The following MTX1 variants were observed in gnomAD, a reference collection of about 807,000 sequenced individuals.
MTX1 encodes the protein metaxin-1.
MTX1 carries 20 observed loss-of-function variants against 39.4 expected under a neutral mutation model. The observed-to-expected ratio is 0.51, with a 90% CI of 0.36 to 0.74. The LOEUF is 0.74. Ranked by LOEUF, MTX1 falls within the 30% of genes least tolerant of loss-of-function variation. The probability of loss-of-function intolerance (pLI) is 0.00; values close to 1 mark genes in which losing one functional copy is unlikely to be tolerated. For missense variants in MTX1, 481 were observed against 485.9 expected, an observed-to-expected ratio of 0.99 and a Z score of 0.10; for synonymous variants, 209 against 198.6, an observed-to-expected ratio of 1.05 and a Z score of -0.44.
rs1557891562 is a variant in MTX1 at position 155,213,316 on chromosome 1, G to A, written c.1111G>A (p.Val371Ile). 1 of 489,384 alleles carries A rather than the reference G, an allele frequency of 2.0e-6. No homozygotes were observed. Among genetic ancestry groups the A allele is most frequent in the Non-Finnish European group, 3.5e-6 (1 of 286,252 alleles). The allele number at this position is 489,384 out of a possible 1,614,324, so 30.3% of individuals were successfully genotyped here. Residue 371 changes from valine (V) to isoleucine (I), a missense_variant, in exon 7 of 8, where the codon GTC (valine) becomes ATC (isoleucine). Coordinates refer to ENST00000368376, the MANE Select transcript of MTX1 (RefSeq NM_002455.5). ...AAAGCTGCCCAGTGGGAAGCTGCAG[G>A]TCCACCTGCGTGGGCTGCACAACCT... ...QAKLPSGKLQ[V>I]HLRGLHNLCA...
chr1:155,208,790 C>T lies in MTX1; in HGVS notation c.-15C>T. On this transcript the variant is annotated 5_prime_UTR_variant, in exon 1 of 8. It adds an upstream start codon to the 5' untranslated region. Transcript: ENST00000368376. ...GGCGCAGGGCCCGCTCCAAACATAA[C>T]GCGCTGTGGAAAACATGCTGCTCGG... is the stretch of plus-strand genomic sequence containing the variant. 1 of 1,463,044 alleles carries T rather than the reference C, an allele frequency of 6.8e-7. No individual in the cohort carries two copies. The highest frequency in any genetic ancestry group is 9.1e-7 in the Non-Finnish European group (1 of 1,097,806). 90.6% of individuals were successfully genotyped at this position (1,463,044 alleles called of 1,614,324 possible). A position where few individuals can be genotyped will look rare whatever the true frequency, so the allele number is the denominator to read the frequency against.
At chr1:155,210,683 C>T (rs1223902408) in intron 3 of MTX1, 56 bp downstream of exon 3, 5 of 1,484,238 alleles carry the variant, frequency 3.4e-6, no homozygotes, top group Non-Finnish European at 4.7e-6. Context: ...CAATTCTATA[C>T]AATACACATT....
intron 1 of MTX1, among the ~76,000 whole-genome samples, 174 bp from the exon 2 acceptor site, chr1:155,210,172 C>G (rs1671059479): frequency 6.6e-6 from 1 of 152,188 alleles, no homozygotes. Flanking sequence ...TCTCTGAGCC[C>G]TGTGTTGTCC....
Position 155,208,722 on chromosome 1 carries a change from CGG to C in MTX1, c.-82_-81del. The C allele has an allele frequency of 8.0e-6, 11 of 1,381,064 alleles. No homozygotes were observed. Among genetic ancestry groups the C allele is most frequent in the African/African-American group, 1.5e-5 (1 of 66,714 alleles). 85.6% of individuals were successfully genotyped at this position (1,381,064 alleles called of 1,614,324 possible). A position where few individuals can be genotyped will look rare whatever the true frequency, so the allele number is the denominator to read the frequency against. ...CCAAGCCCCAGCCCGGCCTCCGCTC[CGG>C]CCGCCGCCACCGCCCCTGTTTTGTT... On this transcript the variant is annotated 5_prime_UTR_variant, in exon 1 of 8. Transcript: ENST00000368376.
At position 155,212,781 on chromosome 1, in the gene MTX1, C is replaced by T; in HGVS notation, c.1031+11C>T. ...CTTCTTTGGAGATGCGTGAGTCTGA[C>T]TCCAAGAGGGTAATGGGTGGCTTGG... is the stretch of plus-strand genomic sequence containing the variant. On this transcript the variant is annotated intron_variant, in intron 6 of 7. Coordinates refer to ENST00000368376, the MANE Select transcript of MTX1 (RefSeq NM_002455.5). 1.9e-6 allele frequency: 3 copies of T among 1,574,964 alleles called. No individual in the cohort carries two copies. Among genetic ancestry groups the T allele is most frequent in the Non-Finnish European group, 2.6e-6 (3 of 1,159,874 alleles).
At position 155,208,710 on chromosome 1, in the gene MTX1, C is replaced by A; in HGVS notation, c.-95C>A. Reference sequence around the variant, plus strand: ...CCCCTCCCCCACCCAAGCCCCAGCCCGGCCTCCGCTCCGGCCGCCGCCACC... The same window carrying A: ...CCCCTCCCCCACCCAAGCCCCAGCCAGGCCTCCGCTCCGGCCGCCGCCACC... On this transcript the variant is annotated 5_prime_UTR_variant, in exon 1 of 8. Coordinates refer to ENST00000368376, the MANE Select transcript of MTX1 (RefSeq NM_002455.5). 1 of 1,300,874 alleles carries A rather than the reference C, an allele frequency of 7.7e-7. No homozygotes were observed. The highest frequency in any genetic ancestry group is 1.0e-6 in the Non-Finnish European group (1 of 983,190). The allele number at this position is 1,300,874 out of a possible 1,614,324, so 80.6% of individuals were successfully genotyped here.
chr1:155,212,479 C>G lies in MTX1; in HGVS notation c.866C>G (p.Pro289Arg), dbSNP rs778145000. 1 of 1,613,906 alleles carries G rather than the reference C, an allele frequency of 6.2e-7. No homozygotes were observed. Among genetic ancestry groups the G allele is most frequent in the African/African-American group, 1.3e-5 (1 of 74,908 alleles). Residue 289 changes from proline (P) to arginine (R), a missense_variant, in exon 5 of 8, where the codon CCT (proline) becomes CGT (arginine). By Grantham distance (103) the Pro-to-Arg change is moderately radical. Coordinates refer to ENST00000368376, the MANE Select transcript of MTX1 (RefSeq NM_002455.5). ...CCCTTTCCCCTCAACTTCTTCCTGC[C>G]TGGCCGCATGCAGCGGCAGTACATG... ...AMPFPLNFFL[P>R]GRMQRQYMER... is the part of the protein sequence containing the mutation.
intron 3 of MTX1, 110 bp downstream of exon 3, chr1:155,210,737 G>C (rs754429734): frequency 2.7e-5 from 25 of 931,948 alleles, no homozygotes; most frequent in Admixed American, 3.7e-5. Flanking sequence ...AGGTGACCCA[G>C]AGCATCAAGG....
intron 1 of MTX1, among the ~76,000 whole-genome samples, chr1:155,209,534 C>T (rs1571945099): frequency 6.6e-6 from 1 of 152,222 alleles, no homozygotes; most frequent in Admixed American, 6.5e-5. Context: ...TGAAAAGACG[C>T]CTGGTTGGGA....
At position 155,212,746 on chromosome 1, in the gene MTX1, C is replaced by T. The variant is rs1335193271; in HGVS notation, c.1007C>T (p.Ser336Phe). The change falls in exon 6 of 8, where the codon TCT (serine) becomes TTT (phenylalanine). Residue 336 changes from serine (S) to phenylalanine (F), a missense_variant. Coordinates refer to ENST00000368376, the MANE Select transcript of MTX1 (RefSeq NM_002455.5). Reference protein sequence around the residue: ...CLTLLSQRLGSQKFFFGDAPA... With the variant: ...CLTLLSQRLGFQKFFFGDAPA... ...ACCCTGCTCTCTCAGCGCCTGGGCT[C>T]TCAAAAGTTCTTCTTTGGAGATGCG... 3.1e-6 allele frequency: 5 copies of T among 1,596,792 alleles called. No homozygotes were observed. Among genetic ancestry groups the T allele is most frequent in the Non-Finnish European group, 4.3e-6 (5 of 1,171,726 alleles).
At position 155,213,738 on chromosome 1, in the gene MTX1, T is replaced by G. The variant is rs1281963039; in HGVS notation, c.*40T>G. 28 of 24,418 alleles carry G rather than the reference T, an allele frequency of 1.1e-3. No homozygotes were observed. Among genetic ancestry groups the G allele is most frequent in the Non-Finnish European group, 2.0e-3 (25 of 12,364 alleles). The allele number at this position is 24,418 out of a possible 1,614,324, so 1.5% of individuals were successfully genotyped here. Reference sequence around the variant, plus strand: ...CCCAAGACTGGTTTTTCTACTCTCATGCATTCCAGAGGCCCCCGTGCCTCC... The same window carrying G: ...CCCAAGACTGGTTTTTCTACTCTCAGGCATTCCAGAGGCCCCCGTGCCTCC... On this transcript the variant is annotated 3_prime_UTR_variant, in exon 8 of 8. Transcript: ENST00000368376.
At chr1:155,210,722 G>C in intron 3 of MTX1, 95 bp downstream of exon 3, 1 of 1,154,190 alleles carries the variant, frequency 8.7e-7, no homozygotes, top group Non-Finnish European at 1.3e-6. Context: ...TGCCATGCTA[G>C]ATGCAGGTGA....
At chr1:155,210,745 A>G in intron 3 of MTX1, 118 bp downstream of exon 3, 1 of 901,978 alleles carries the variant, frequency 1.1e-6, no homozygotes, top group East Asian at 2.4e-5. Flanking sequence ...CAGAGCATCA[A>G]GGAGCAACAG....
Position 155,210,347 on chromosome 1 carries a change from C to T in MTX1, c.530C>T (p.Thr177Ile), listed in dbSNP as rs138202522. The T allele has an allele frequency of 8.9e-5, 144 of 1,614,018 alleles. 1 individual carries two copies. Among genetic ancestry groups the T allele is most frequent in the Non-Finnish European group, 1.2e-4 (136 of 1,179,986 alleles). Residue 177 changes from threonine to isoleucine, a missense_variant and splice_region_variant, in exon 2 of 8, where the codon ACC (threonine) becomes ATC (isoleucine). Physicochemically the swap from Thr to Ile is moderately conservative, Grantham distance 89. Transcript: ENST00000368376. The part of the protein sequence containing the change: ...SVDLDSLAVL[T>I]YARFTGAPLK... Reference sequence around the variant, plus strand: ...TGACTTCTGCTTCCTTCCCTGCAGACCTATGCCAGATTTACTGGTGCTCCA... The same window carrying T: ...TGACTTCTGCTTCCTTCCCTGCAGATCTATGCCAGATTTACTGGTGCTCCA...
rs987304592 is a variant in MTX1, at chr1:155,209,137, G to A, written c.333G>A (p.Gly111=). ...SRARRSLASP[G]ISPGPLTATI... is the part of the protein sequence containing the mutation. ...CCAGAAGAAGCCTCGCCTCCCCGGGGATCTCCCCAGGCCCCCTGACCGCAA... is the reference window on the plus strand; with the variant it reads ...CCAGAAGAAGCCTCGCCTCCCCGGGAATCTCCCCAGGCCCCCTGACCGCAA... Residue 111 remains glycine, a synonymous_variant, in exon 1 of 8, where the codon GGG becomes GGA. Coordinates refer to ENST00000368376, the MANE Select transcript of MTX1 (RefSeq NM_002455.5). 3.2e-6 allele frequency: 5 copies of A among 1,539,742 alleles called. No homozygotes were observed. In the African/African-American group the frequency reaches 5.5e-5, roughly 17 times the overall value.
chr1:155,212,116 T>C lies in MTX1; in HGVS notation c.679-11T>C. ...TCCCTAGTGTCCACGCCATGGATAT[T>C]TCCTCCACAGAAGTACAATGCTGAT... On this transcript the variant is annotated splice_polypyrimidine_tract_variant and intron_variant, in intron 3 of 7. Transcript: ENST00000368376. 1.9e-6 allele frequency: 3 copies of C among 1,595,200 alleles called. No homozygotes were observed. Among genetic ancestry groups the C allele is most frequent in the Non-Finnish European group, 2.6e-6 (3 of 1,169,792 alleles).
In MTX1 at chr1:155,209,220, A is replaced by G; in HGVS notation, c.416A>G (p.Lys139Arg). Residue 139 changes from lysine to arginine, a missense_variant, in exon 1 of 8, where the codon AAG becomes AGG. Physicochemically the swap from Lys to Arg is conservative, Grantham distance 26. Coordinates refer to ENST00000368376, the MANE Select transcript of MTX1 (RefSeq NM_002455.5). ...AGGCAGGGGAGGGCAGAAGCACACAAGGAAGTGTTTCCGGGACAGAGGGTG... is the reference window on the plus strand; with the variant it reads ...AGGCAGGGGAGGGCAGAAGCACACAGGGAAGTGTTTCCGGGACAGAGGGTG... ...GPRQGRAEAH[K>R]EVFPGQRVGK... The G allele has an allele frequency of 1.4e-6, 2 of 1,457,958 alleles. No homozygotes were observed. The highest frequency in any genetic ancestry group is 1.8e-6 in the Non-Finnish European group (2 of 1,101,856). 90.3% of individuals were successfully genotyped at this position (1,457,958 alleles called of 1,614,324 possible).
At chr1:155,212,308 G>A (rs776796271) in intron 4 of MTX1, 77 bp from the exon 5 acceptor site, 13 of 1,599,388 alleles carry the variant, frequency 8.1e-6, no homozygotes, top group Admixed American at 1.7e-5. Context: ...GGAAAGCATG[G>A]GGGTCAGAAG....
In MTX1 at chr1:155,212,195, G is replaced by A; in HGVS notation, c.747G>A (p.Leu249=). 1.2e-6 allele frequency: 2 copies of A among 1,612,350 alleles called. No homozygotes were observed. The highest frequency in any genetic ancestry group is 1.7e-6 in the Non-Finnish European group (2 of 1,179,016). The part of the protein sequence containing the change: ...GADTLAFMSL[L]EEKLLPVLVH... ...ACACCCTGGCCTTCATGTCTCTCCT[G>A]GAGGAGAAGTTGCTCCCGGTGCTGG... Residue 249 remains leucine (L), a synonymous_variant, in exon 4 of 8, where the codon CTG becomes CTA. Transcript: ENST00000368376.
Sources: gnomAD v4.1 joint callset for allele counts (sites outside exome capture counted in the v4.1 genomes callset) on GRCh38, gnomAD v4.1.1 for gene constraint, MANE v1.5 for transcripts, NCBI Gene and HGNC (gene_info 2026-07-23, HGNC 2026-07-21) for gene names.